OR1J2: variants seen among roughly 807,000 people sequenced by gnomAD.
OR1J2 encodes the protein olfactory receptor family 1 subfamily J member 2.
For synonymous variants in OR1J2, 142 were observed against 99.7 expected (o/e 1.42, Z -2.52); for missense variants, 304 against 246.1 (o/e 1.24, Z -1.57).
chr9:122,552,016 TTTGGAAGGGG>T, the OR1J2 span, among the ~76,000 whole-genome samples: 1 of 94,610 alleles, frequency 1.1e-5, no homozygotes, highest in Admixed American at 1.0e-4. Flanking sequence ...CAGGTGAGGA[TTTGGAAGGGG>T]TAGGACACAT....
the OR1J2 span, among the ~76,000 whole-genome samples, chr9:122,498,102 G>A: frequency 2.4e-4 from 36 of 151,738 alleles, no homozygotes; most frequent in South Asian, 1.0e-3. Context: ...ACAGCCAAGC[G>A]TGTGGTCAAT....
chr9:122,475,142 C>T, the OR1J2 span: 1 of 152,286 alleles, frequency 6.6e-6, no homozygotes, highest in Admixed American at 6.5e-5. Context: ...CTCCATCCAG[C>T]TTGGCAGGGA....
the OR1J2 span, among the ~76,000 whole-genome samples, chr9:122,534,236 T>C: frequency 6.6e-6 from 1 of 152,186 alleles, no homozygotes; most frequent in Non-Finnish European, 1.5e-5. Context: ...AAGGGGAGGT[T>C]AATTAAGTCC....
At chr9:122,540,581 A>G in the OR1J2 span, among the ~76,000 whole-genome samples, 1 of 152,050 alleles carries the variant, frequency 6.6e-6, no homozygotes, top group Non-Finnish European at 1.5e-5. Context: ...TTGGCTTAGG[A>G]TTGACTTGGC....
At chr9:122,455,501 G>T in the OR1J2 span, among the ~76,000 whole-genome samples, 17 of 152,012 alleles carry the variant, frequency 1.1e-4, no homozygotes, top group Non-Finnish European at 2.2e-4. Context: ...TATTTTCTTT[G>T]GAGGGATGCC....
At chr9:122,548,089 T>C in the OR1J2 span, among the ~76,000 whole-genome samples, 2 of 152,230 alleles carry the variant, frequency 1.3e-5, no homozygotes, top group East Asian at 1.9e-4. Flanking sequence ...TTGTATGTTT[T>C]GTTTTGCTCA....
the OR1J2 span, among the ~76,000 whole-genome samples, chr9:122,532,045 T>C: frequency 4.0e-5 from 4 of 99,038 alleles, no homozygotes; most frequent in Non-Finnish European, 9.4e-5. Flanking sequence ...TGGGAAGTAG[T>C]AGAATAGCAA....
At chr9:122,504,512 A>G in the OR1J2 span, among the ~76,000 whole-genome samples, 2 of 152,170 alleles carry the variant, frequency 1.3e-5, no homozygotes, top group African/African-American at 2.4e-5. Context: ...TGTCTTCAAA[A>G]TATGAAGAGG....
chr9:122,524,851 C>T, the OR1J2 span, among the ~76,000 whole-genome samples: 1 of 152,182 alleles, frequency 6.6e-6, no homozygotes, highest in Admixed American at 6.5e-5. Context: ...CTCATGTCCA[C>T]TAGCTGTGTC....
At chr9:122,494,958 G>C in the OR1J2 span, among the ~76,000 whole-genome samples, 1 of 152,130 alleles carries the variant, frequency 6.6e-6, no homozygotes, top group African/African-American at 2.4e-5. Context: ...AGTTTTGCTG[G>C]ATACAAAATT....
At chr9:122,489,571 C>T in the OR1J2 span, among the ~76,000 whole-genome samples, 1 of 152,082 alleles carries the variant, frequency 6.6e-6, no homozygotes, top group Admixed American at 6.5e-5. Flanking sequence ...GCTCAAGGAA[C>T]ACAAAAAGAT....
At chr9:122,497,337 A>G in the OR1J2 span, among the ~76,000 whole-genome samples, 1 of 152,112 alleles carries the variant, frequency 6.6e-6, no homozygotes, top group South Asian at 2.1e-4. Context: ...CCTCCTATCT[A>G]CCATCTTCCT....
At chr9:122,561,696 G>T in the OR1J2 span, among the ~76,000 whole-genome samples, 133 of 152,286 alleles carry the variant, frequency 8.7e-4, no homozygotes, top group African/African-American at 2.9e-3. Flanking sequence ...GAACAGTAAA[G>T]ATGGGTGCCT....
chr9:122,561,178 A>G, the OR1J2 span, among the ~76,000 whole-genome samples: 1 of 152,120 alleles, frequency 6.6e-6, no homozygotes, highest in Admixed American at 6.5e-5. Context: ...CAGCTCCATC[A>G]CATCATTTAT....
At chr9:122,562,956 T>C in the OR1J2 span, among the ~76,000 whole-genome samples, 6 of 152,244 alleles carry the variant, frequency 3.9e-5, no homozygotes, top group African/African-American at 1.4e-4. Flanking sequence ...ATCTTGGCTG[T>C]TGTAAATAGT....
At chr9:122,490,758 G>A in the OR1J2 span, among the ~76,000 whole-genome samples, 1 of 152,086 alleles carries the variant, frequency 6.6e-6, no homozygotes, top group African/African-American at 2.4e-5. Context: ...AAACTAGAAG[G>A]AATAAATCAT....
At chr9:122,533,549 G>C in the OR1J2 span, among the ~76,000 whole-genome samples, 1 of 152,076 alleles carries the variant, frequency 6.6e-6, no homozygotes, top group Non-Finnish European at 1.5e-5. Context: ...GCGGCAATGA[G>C]GTGTGGCTGT....
At chr9:122,469,930 C>T in the OR1J2 span, among the ~76,000 whole-genome samples, 1 of 152,148 alleles carries the variant, frequency 6.6e-6, no homozygotes. Flanking sequence ...AGCAGCAAAG[C>T]ACTCAAGAGG....
At chr9:122,561,441 G>GT in the OR1J2 span, among the ~76,000 whole-genome samples, 1 of 152,062 alleles carries the variant, frequency 6.6e-6, no homozygotes, top group East Asian at 1.9e-4. Context: ...GATTTTCAGC[G>GT]TTTTTTCGTT....
Sources: allele counts gnomAD v4.1 joint callset (sites outside exome capture counted in the v4.1 genomes callset), GRCh38; gene constraint gnomAD v4.1.1; transcripts MANE v1.5; gene names NCBI Gene and HGNC (gene_info 2026-07-23, HGNC 2026-07-21).